The following PRKCH variants were observed in gnomAD, a reference collection of about 807,000 sequenced individuals.
The protein encoded by PRKCH is protein kinase C eta type.
A neutral mutation model predicts 82.5 loss-of-function variants in PRKCH; 28 were observed. The observed-to-expected ratio is 0.34, with a 90% confidence interval of 0.25 to 0.47. The LOEUF is 0.47. PRKCH is among the 20% of genes least tolerant of loss of function. The pLI is 1.00. For synonymous variants in PRKCH, 322 were observed against 327.4 expected, an observed-to-expected ratio of 0.98 and a Z score of 0.18; for missense variants, 705 against 881.8, an observed-to-expected ratio of 0.80 and a Z score of 2.54.
chr14:61,349,400 A>G (rs2046040931), intron 1 of PRKCH, among the ~76,000 whole-genome samples: 2 of 152,358 alleles, frequency 1.3e-5, no homozygotes, highest in South Asian at 4.1e-4. Flanking sequence ...GAGGAAATCA[A>G]GGTTCTGAGA....
intron 4 of PRKCH, among the ~76,000 whole-genome samples, chr14:61,448,940 G>T (rs569559104): frequency 8.5e-5 from 13 of 152,230 alleles, no homozygotes; most frequent in African/African-American, 3.1e-4. Flanking sequence ...AAGTCAGGAA[G>T]GAAGAAATAG....
intron 10 of PRKCH, among the ~76,000 whole-genome samples, chr14:61,515,908 C>T (rs1419016535): frequency 6.9e-6 from 1 of 144,248 alleles, no homozygotes; most frequent in African/African-American, 2.6e-5. Flanking sequence ...GCATTCCAGG[C>T]GCTATGCTAA....
intron 1 of PRKCH, among the ~76,000 whole-genome samples, chr14:61,364,804 C>T (rs368749878): frequency 5.3e-5 from 8 of 151,962 alleles, no homozygotes; most frequent in South Asian, 2.1e-4. Context: ...TGCACCATTG[C>T]GCTCCAGCTC....
intron 1 of PRKCH, among the ~76,000 whole-genome samples, chr14:61,204,094 C>G (rs2044504325): frequency 6.6e-6 from 1 of 151,910 alleles, no homozygotes; most frequent in African/African-American, 2.4e-5. Flanking sequence ...ATTAGTTAAT[C>G]TCACTCCTTA....
At chr14:61,501,746 A>C (rs1279604574) in intron 10 of PRKCH, among the ~76,000 whole-genome samples, 2 of 152,160 alleles carry the variant, frequency 1.3e-5, no homozygotes, top group East Asian at 3.8e-4. Context: ...TTAATTTTAA[A>C]ATGTAAATTA....
chr14:61,253,539 C>T (rs1216481877), intron 1 of PRKCH, among the ~76,000 whole-genome samples: 1 of 152,160 alleles, frequency 6.6e-6, no homozygotes, highest in East Asian at 1.9e-4. Flanking sequence ...AGAGTGAGTG[C>T]TTTTGAAAAG....
In PRKCH at chr14:61,457,166, A is replaced by C. The variant is rs538101829; in HGVS notation, c.961-10A>C. On this transcript the variant is annotated splice_polypyrimidine_tract_variant and intron_variant, in intron 7 of 13. Coordinates refer to ENST00000332981, the MANE Select transcript of PRKCH (RefSeq NM_006255.5). ...GCAATTTCTGACTTAATGTGTTCTTACTCTTTCAGAAACTCGTTTCCAGAT... is the reference window on the plus strand; with the variant it reads ...GCAATTTCTGACTTAATGTGTTCTTCCTCTTTCAGAAACTCGTTTCCAGAT... The C allele has an allele frequency of 3.5e-4, 570 of 1,613,394 alleles. 8 individuals carry two copies. In the South Asian group the frequency reaches 5.8e-3, roughly 16 times the overall value.
intron 1 of PRKCH, among the ~76,000 whole-genome samples, chr14:61,356,035 C>T (rs377340914): frequency 2.0e-5 from 3 of 152,162 alleles, no homozygotes; most frequent in African/African-American, 4.8e-5. Flanking sequence ...CATCGCCACC[C>T]CTTTGAAGCA....
chr14:61,458,399 A>C (rs1006979354), intron 9 of PRKCH, among the ~76,000 whole-genome samples: 2 of 152,212 alleles, frequency 1.3e-5, no homozygotes, highest in African/African-American at 4.8e-5. Flanking sequence ...TTGCTCAGTG[A>C]CATTGGACAT....
chr14:61,292,134 G>A (rs1044859632), intron 1 of PRKCH, among the ~76,000 whole-genome samples: 1 of 151,944 alleles, frequency 6.6e-6, no homozygotes, highest in African/African-American at 2.4e-5. Context: ...TTACCCTTGG[G>A]AAAAATGTGG....
At chr14:61,210,790 C>CTCTCTCTCTGTG (rs1351869252) in intron 1 of PRKCH, among the ~76,000 whole-genome samples, 22 of 139,058 alleles carry the variant, frequency 1.6e-4, no homozygotes, top group Non-Finnish European at 3.1e-4. Flanking sequence ...CTCTCTCTCT[C>CTCTCTCTCTGTG]TGTGTGTGTG....
intron 2 of PRKCH, among the ~76,000 whole-genome samples, chr14:61,405,893 T>C (rs75698164): frequency 0.02 from 2,974 of 152,206 alleles, 60 homozygotes; most frequent in East Asian, 0.06. Context: ...GCTTCCGTTA[T>C]GTGAGTCCTA....
intron 2 of PRKCH, among the ~76,000 whole-genome samples, chr14:61,413,684 G>A (rs769374131): frequency 6.6e-6 from 1 of 151,626 alleles, no homozygotes; most frequent in African/African-American, 2.4e-5. Flanking sequence ...ACATGGCCAG[G>A]CCTCCTCCTC....
intron 1 of PRKCH, chr14:61,390,945 C>T: frequency 3.3e-6 from 1 of 299,756 alleles, no homozygotes; most frequent in Middle Eastern, 1.0e-3. Context: ...AAACAATTAC[C>T]AAGTATGTGG....
At chr14:61,423,639 C>T (rs1044596310) in intron 2 of PRKCH, among the ~76,000 whole-genome samples, 1 of 152,048 alleles carries the variant, frequency 6.6e-6, no homozygotes, top group African/African-American at 2.4e-5. Context: ...GTGAGGGCAT[C>T]AGTTTGACAG....
At chr14:61,412,409 C>T (rs916888004) in intron 2 of PRKCH, among the ~76,000 whole-genome samples, 1 of 152,184 alleles carries the variant, frequency 6.6e-6, no homozygotes, top group African/African-American at 2.4e-5. Flanking sequence ...ATGACTCCAT[C>T]CTTATGTTAC....
At chr14:61,203,717 C>T (rs7145590) in intron 1 of PRKCH, among the ~76,000 whole-genome samples, 3,674 of 152,038 alleles carry the variant, frequency 0.024, 138 homozygotes, top group African/African-American at 0.082. Context: ...GGCTCACATA[C>T]GTAATCCCAG....
rs1314355627 is a variant in PRKCH, at chr14:61,243,950, A to T, written c.-19+56282A>T. Among the ~76,000 whole-genome samples the T allele has an allele frequency of 0.01, 54 of 5,268 alleles. No individual in the cohort carries two copies. In the South Asian group the frequency reaches 0.14, roughly 14 times the overall value. The allele number at this position is 5,268 out of a possible 152,430, so 3.5% of individuals were successfully genotyped here. A position where few individuals can be genotyped will look rare whatever the true frequency, so the allele number is the denominator to read the frequency against. On this transcript the variant is annotated intron_variant, in intron 1 of 3. Coordinates refer to the PRKCH transcript ENST00000555185. ...AGATGGCAAGACCTCATCTTAATTAAAAAAAAAAAAAAATACAGCAACACT... is the reference window on the plus strand; with the variant it reads ...AGATGGCAAGACCTCATCTTAATTATAAAAAAAAAAAAATACAGCAACACT...
chr14:61,410,792 C>G (rs1028941458), intron 2 of PRKCH, among the ~76,000 whole-genome samples: 2 of 152,156 alleles, frequency 1.3e-5, no homozygotes, highest in Admixed American at 6.5e-5. Context: ...CCATCATGGC[C>G]AGGTCCCTTG....
Sources: gnomAD v4.1 joint callset for allele counts (sites outside exome capture counted in the v4.1 genomes callset) on GRCh38, gnomAD v4.1.1 for gene constraint, MANE v1.5 for transcripts, NCBI Gene and HGNC (gene_info 2026-07-23, HGNC 2026-07-21) for gene names.